The following ADGRD2 variants were observed in gnomAD, a reference collection of about 807,000 sequenced individuals.
The protein encoded by ADGRD2 is adhesion G protein-coupled receptor D2.
A neutral mutation model predicts 44.4 loss-of-function variants in ADGRD2; 71 were observed. The observed-to-expected ratio is 1.60, with a 90% CI of 1.32 to 1.95. The LOEUF (loss-of-function observed/expected upper bound fraction) is 1.95. Among genes scored for constraint, ADGRD2 ranks in the 30% most tolerant of loss-of-function variants. The pLI is 0.00. For missense variants in ADGRD2, 1,039 were observed against 512.4 expected (o/e 2.03, Z -9.92); for synonymous variants, 481 against 224.8 (o/e 2.14, Z -10.19).
chr9:124,468,803 C>A, intron 14 of ADGRD2, 131 bp downstream of exon 17: 1 of 614,028 alleles, frequency 1.6e-6, no homozygotes, highest in Non-Finnish European at 2.9e-6. Context: ...TTTAGCGTCA[C>A]CCAGAACCCA....
chr9:124,455,156 G>A, intron 6 of ADGRD2, 29 bp downstream of exon 9: 4 of 663,216 alleles, frequency 6.0e-6, no homozygotes, highest in Non-Finnish European at 2.8e-6. Flanking sequence ...GGTGGGGCAG[G>A]GGCCTGGGCT....
chr9:124,459,664 T>A (rs1036653768), intron 10 of ADGRD2, among the ~76,000 whole-genome samples: 1 of 152,130 alleles, frequency 6.6e-6, no homozygotes, highest in Non-Finnish European at 1.5e-5. Flanking sequence ...GTATAACAGC[T>A]ATTTATATAT....
At position 124,454,347 on chromosome 9, in the gene ADGRD2, T is replaced by C; in HGVS notation, c.1023-137T>C. On this transcript the variant is annotated intron_variant, in intron 4 of 21. Transcript: ENST00000334810. This position sits in a 1 kb window ranked among gnomAD's most constrained non-coding sequence, Gnocchi z 4.5. ...GTTTCCCCATCTAGAACACCGTGTG[T>C]AAGACTCTGGACACACAGCCATCAA... 1.6e-6 allele frequency: 1 copy of C among 612,446 alleles called. No homozygotes were observed. Among genetic ancestry groups the C allele is most frequent in the South Asian group, 1.9e-5 (1 of 53,344 alleles). The allele number at this position is 612,446 out of a possible 1,614,324, so 37.9% of individuals were successfully genotyped here. A position where few individuals can be genotyped will look rare whatever the true frequency, so the allele number is the denominator to read the frequency against.
At chr9:124,453,079 G>T in exon 3 of ADGRD2, 1 of 684,618 alleles carries the variant, frequency 1.5e-6, no homozygotes, top group South Asian at 1.5e-5. Flanking sequence ...GAGGACGGCT[G>T]ACCGGGCGGC....
At chr9:124,467,392 A>G (rs994071405) in intron 11 of ADGRD2, 1 of 272,810 alleles carries the variant, frequency 3.7e-6, no homozygotes, top group Non-Finnish European at 6.9e-6. Context: ...TTTCCACATC[A>G]TGAGTATCAT....
intron 17 of ADGRD2, among the ~76,000 whole-genome samples, chr9:124,472,292 T>C (rs929947125): frequency 6.6e-6 from 1 of 152,134 alleles, no homozygotes; most frequent in Non-Finnish European, 1.5e-5. Flanking sequence ...AGGCTCCCCC[T>C]CTGTCACTGT....
chr9:124,475,514 G>C (rs1242429388), intron 18 of ADGRD2, 27 bp downstream of exon 21: 3 of 715,766 alleles, frequency 4.2e-6, no homozygotes, highest in Non-Finnish European at 5.2e-6. Flanking sequence ...CGGCTGCAGG[G>C]AGAGGGGTCC....
At position 124,466,098 on chromosome 9, in the gene ADGRD2, C is replaced by T. The variant is rs1007584333; in HGVS notation, c.1871-160C>T. 6.7e-6 allele frequency: 3 copies of T among 450,002 alleles called. No individual in the cohort carries two copies. The East Asian group carries it at 1.0e-4, about 15-fold the overall frequency. 27.9% of individuals were successfully genotyped at this position (450,002 alleles called of 1,614,324 possible). ...CTCCTACCATCCTAAGAATGTCAAG[C>T]ACATTTTACAGGTGAAAAACTGAGA... On this transcript the variant is annotated intron_variant, in intron 10 of 21. Transcript: ENST00000334810.
chr9:124,468,989 G>A (rs1324339135), intron 14 of ADGRD2, among the ~76,000 whole-genome samples: 1 of 152,132 alleles, frequency 6.6e-6, no homozygotes, highest in Admixed American at 6.5e-5. Context: ...TCCGTCTCCA[G>A]AGACGCCCAG....
intron 6 of ADGRD2, among the ~76,000 whole-genome samples, chr9:124,456,320 G>A (rs1381795148): frequency 6.6e-6 from 1 of 152,224 alleles, no homozygotes; most frequent in Non-Finnish European, 1.5e-5. Context: ...TACAGGTCTA[G>A]CACTGAGCCA....
intron 19 of ADGRD2, 83 bp downstream of exon 22, chr9:124,475,698 C>T: frequency 1.8e-6 from 1 of 564,588 alleles, no homozygotes. Context: ...CCTTTAAGTC[C>T]CGTGCCAGCC....
intron 17 of ADGRD2, among the ~76,000 whole-genome samples, chr9:124,474,863 C>A (rs921437917): frequency 6.6e-6 from 1 of 152,196 alleles, no homozygotes; most frequent in Admixed American, 6.5e-5. Context: ...GGTGGTGAGG[C>A]CCTCTTGGTC....
chr9:124,456,626 T>C, exon 7 of ADGRD2: 1 of 718,070 alleles, frequency 1.4e-6, no homozygotes, highest in Non-Finnish European at 2.6e-6. Flanking sequence ...TCCCAGGTGA[T>C]TGGTGGGCCT....
At chr9:124,465,396 G>A (rs1831801122) in intron 10 of ADGRD2, 1 of 147,846 alleles carries the variant, frequency 6.8e-6, no homozygotes, top group African/African-American at 2.5e-5. Context: ...CTGTTGCCTA[G>A]GCTGGAGTTC....
At chr9:124,474,284 A>G (rs1832005335) in intron 17 of ADGRD2, among the ~76,000 whole-genome samples, 1 of 150,534 alleles carries the variant, frequency 6.6e-6, no homozygotes, top group Non-Finnish European at 1.5e-5. Flanking sequence ...CTCAAAAAAA[A>G]AAAAAAAAAA....
intron 21 of ADGRD2, chr9:124,476,944 G>A (rs780415908): frequency 4.3e-6 from 3 of 701,356 alleles, no homozygotes; most frequent in South Asian, 3.0e-5. Context: ...TATTCTGAGC[G>A]GGCGCTGCCA....
At chr9:124,466,263 C>T (rs1031963000) in exon 11 of ADGRD2, 1 of 667,756 alleles carries the variant, frequency 1.5e-6, no homozygotes, top group African/African-American at 1.8e-5. Context: ...TCAAGAGCCC[C>T]CTGTTCCCTC....
At chr9:124,460,408 G>A (rs1831707611) in intron 10 of ADGRD2, among the ~76,000 whole-genome samples, 1 of 150,128 alleles carries the variant, frequency 6.7e-6, no homozygotes, top group South Asian at 2.1e-4. Context: ...AGTAGAGATG[G>A]GGTTTCTCCA....
At chr9:124,453,364 G>A (rs1463322938) in exon 3 of ADGRD2, 1 of 542,924 alleles carries the variant, frequency 1.8e-6, no homozygotes, top group Non-Finnish European at 3.2e-6. Flanking sequence ...CGGGCGCTGG[G>A]CGCTGTTCTC....
Sources: gnomAD v4.1 joint callset for allele counts (sites outside exome capture counted in the v4.1 genomes callset) on GRCh38, gnomAD v4.1.1 for gene constraint, Gnocchi (gnomAD v3.1) non-coding constraint, MANE v1.5 for transcripts, NCBI Gene and HGNC (gene_info 2026-07-23, HGNC 2026-07-21) for gene names.